MYMX: variants seen among roughly 807,000 people sequenced by gnomAD.
MYMX encodes the protein myomixer, myoblast fusion factor.
the MYMX span, among the ~76,000 whole-genome samples, chr6:44,210,638 C>T: frequency 2.6e-4 from 39 of 152,248 alleles, no homozygotes; most frequent in African/African-American, 6.7e-4. Flanking sequence ...CAAATCTCTT[C>T]GGTAACTTAC....
chr6:44,206,443 G>A, the MYMX span, among the ~76,000 whole-genome samples: 4 of 152,058 alleles, frequency 2.6e-5, no homozygotes, highest in Non-Finnish European at 5.9e-5. Flanking sequence ...TGTTGGCCAG[G>A]CTGGTCTAAA....
chr6:44,206,152 C>G, the MYMX span, among the ~76,000 whole-genome samples: 1 of 151,992 alleles, frequency 6.6e-6, no homozygotes, highest in Non-Finnish European at 1.5e-5. Flanking sequence ...GCTCCTAGAT[C>G]TCTGCCTGCA....
At chr6:44,195,946 T>C in the MYMX span, among the ~76,000 whole-genome samples, 1 of 152,152 alleles carries the variant, frequency 6.6e-6, no homozygotes, top group African/African-American at 2.4e-5. Context: ...TGGTTTCTTT[T>C]TTTCCTTTTT....
the MYMX span, among the ~76,000 whole-genome samples, chr6:44,211,231 G>A: frequency 1.3e-5 from 2 of 152,104 alleles, no homozygotes; most frequent in Non-Finnish European, 2.9e-5. Flanking sequence ...CCTAGTTTTC[G>A]CTAGAAATTA....
At chr6:44,216,752 C>T (rs1156291703), upstream of MYMX, among the ~76,000 whole-genome samples, 1 of 152,178 alleles carries the variant, frequency 6.6e-6, no homozygotes, top group Non-Finnish European at 1.5e-5. Context: ...TCCCTCTCCT[C>T]CCCCTAGACT....
At chr6:44,215,170 A>G (rs1375316133), upstream of MYMX, among the ~76,000 whole-genome samples, 2 of 151,844 alleles carry the variant, frequency 1.3e-5, no homozygotes, top group Admixed American at 6.6e-5. Flanking sequence ...ACAAATGCTC[A>G]TATTCCCAAG....
At chr6:44,216,922 C>T (rs1268299901), upstream of MYMX, 1 of 152,784 alleles carries the variant, frequency 6.5e-6, no homozygotes, top group African/African-American at 2.4e-5. Context: ...TATCTCCACT[C>T]CAGGCAAATC....
chr6:44,192,864 A>T, the MYMX span, among the ~76,000 whole-genome samples: 2 of 152,190 alleles, frequency 1.3e-5, no homozygotes, highest in African/African-American at 4.8e-5. Context: ...TCTTGAGAGC[A>T]GGACTGTCTT....
upstream of MYMX, among the ~76,000 whole-genome samples, chr6:44,215,097 T>C (rs1477277946): frequency 6.6e-6 from 1 of 152,194 alleles, no homozygotes; most frequent in Non-Finnish European, 1.5e-5. Flanking sequence ...GTAAGTTTTC[T>C]TTCTTTAGGG....
the MYMX span, among the ~76,000 whole-genome samples, chr6:44,198,151 CCT>C: frequency 7.1e-6 from 1 of 141,752 alleles, no homozygotes; most frequent in African/African-American, 2.6e-5. Flanking sequence ...ATCCCAAATT[CCT>C]CTTTTTTTTT....
At chr6:44,194,638 C>T in the MYMX span, among the ~76,000 whole-genome samples, 1 of 152,190 alleles carries the variant, frequency 6.6e-6, no homozygotes, top group Non-Finnish European at 1.5e-5. Context: ...GGGGTCAGCT[C>T]TAGACACCCA....
chr6:44,199,758 G>A, the MYMX span, among the ~76,000 whole-genome samples: 96 of 149,780 alleles, frequency 6.4e-4, no homozygotes, highest in African/African-American at 2.0e-3. Flanking sequence ...ATCACTGTTC[G>A]CTGCAGCCTC....
the MYMX span, among the ~76,000 whole-genome samples, chr6:44,205,153 C>G: frequency 1.3e-5 from 2 of 151,872 alleles, no homozygotes; most frequent in African/African-American, 4.8e-5. Context: ...CCCCGGTGAT[C>G]AAAGCTGCTA....
At chr6:44,211,231 G>C in the MYMX span, among the ~76,000 whole-genome samples, 1 of 152,104 alleles carries the variant, frequency 6.6e-6, no homozygotes, top group Non-Finnish European at 1.5e-5. Flanking sequence ...CCTAGTTTTC[G>C]CTAGAAATTA....
chr6:44,209,323 G>T, the MYMX span, among the ~76,000 whole-genome samples: 7,645 of 151,780 alleles, frequency 0.05, 627 homozygotes, highest in African/African-American at 0.17. Flanking sequence ...CAGGCAAATA[G>T]TCCCCAAATT....
the MYMX span, among the ~76,000 whole-genome samples, chr6:44,210,271 A>ATGTTTTGTTT: frequency 2.8e-4 from 41 of 148,912 alleles, no homozygotes; most frequent in Admixed American, 1.2e-3. Context: ...AACAGTAATC[A>ATGTTTTGTTT]TGTTTTGTTT....
chr6:44,194,740 A>G, the MYMX span, among the ~76,000 whole-genome samples: 1 of 152,172 alleles, frequency 6.6e-6, no homozygotes, highest in Non-Finnish European at 1.5e-5. Context: ...CTGCCAGGCC[A>G]CACTGCCTCG....
rs190816804 is a variant in MYMX, at chr6:44,218,019, C to T, written c.*293C>T. On this transcript the variant is annotated 3_prime_UTR_variant, in exon 2 of 2. Coordinates refer to ENST00000573382, the MANE Select transcript of MYMX (RefSeq NM_001315494.2). ...CAGGCGGGAGGGGAACTAACACCCA[C>T]CCACCCCTGCCCTCCCTGCAAATGG... is the stretch of plus-strand genomic sequence containing the variant. 16 of 284,206 alleles carry T rather than the reference C, an allele frequency of 5.6e-5. No homozygotes were observed. The East Asian group carries it at 9.4e-4, about 17-fold the overall frequency. The allele number at this position is 284,206 out of a possible 1,614,324, so 17.6% of individuals were successfully genotyped here.
At chr6:44,217,300 G>A in intron 1 of MYMX, 150 bp from the exon 2 acceptor site, 1 of 397,238 alleles carries the variant, frequency 2.5e-6, no homozygotes, top group East Asian at 3.6e-5. Context: ...CAAGAGAAAG[G>A]GCTTCATGAA....
Sources: allele counts gnomAD v4.1 joint callset (sites outside exome capture counted in the v4.1 genomes callset), GRCh38; gene constraint gnomAD v4.1.1; transcripts MANE v1.5; gene names NCBI Gene and HGNC (gene_info 2026-07-23, HGNC 2026-07-21).